DAB1: variants seen among roughly 807,000 people sequenced by gnomAD.
DAB1 encodes disabled homolog 1.
In DAB1, 15 loss-of-function variants were observed where a neutral mutation model predicts 64.6. The observed-to-expected ratio is 0.23, with a 90% confidence interval of 0.16 to 0.36. The LOEUF is 0.36. Ranked by LOEUF, DAB1 falls within the 10% of genes least tolerant of loss-of-function variation. The pLI, the probability that DAB1 is intolerant of heterozygous loss-of-function variation, is 1.00. For missense variants in DAB1, 596 were observed against 706.7 expected (o/e 0.84, Z 1.78); for synonymous variants, 235 against 251.9 (o/e 0.93, Z 0.64).
intron 1 of DAB1, among the ~76,000 whole-genome samples, chr1:57,309,087 T>C (rs151255470): frequency 5.9e-4 from 90 of 152,296 alleles, no homozygotes; most frequent in African/African-American, 2.1e-3. Flanking sequence ...CTATCATTAG[T>C]GTATTTTATG....
chr1:57,073,448 C>T (rs1279946867), intron 4 of DAB1, among the ~76,000 whole-genome samples: 1 of 152,184 alleles, frequency 6.6e-6, no homozygotes, highest in East Asian at 1.9e-4. Context: ...ATAATGTTCA[C>T]CATCCTATCG....
At chr1:57,764,472 T>C (rs1256741819) in intron 6 of DAB1, among the ~76,000 whole-genome samples, 1 of 152,186 alleles carries the variant, frequency 6.6e-6, no homozygotes, top group Non-Finnish European at 1.5e-5. Context: ...TTTGAAACTA[T>C]ATATTTACTA....
chr1:57,250,739 T>C (rs1669271918), intron 2 of DAB1, among the ~76,000 whole-genome samples: 3 of 152,204 alleles, frequency 2.0e-5, no homozygotes, highest in Non-Finnish European at 4.4e-5. Context: ...TAGTTTATTA[T>C]TTTAGTAAAT....
intron 8 of DAB1, 97 bp downstream of exon 8, chr1:57,069,263 G>A (rs550062653): frequency 9.7e-7 from 1 of 1,026,010 alleles, no homozygotes; most frequent in East Asian, 2.4e-5. Flanking sequence ...TAACAAGCCA[G>A]GAATGACCAA....
At chr1:58,090,276 C>T (rs555354628) in intron 5 of DAB1, among the ~76,000 whole-genome samples, 5 of 152,254 alleles carry the variant, frequency 3.3e-5, no homozygotes, top group Admixed American at 3.3e-4. Context: ...AGCACGGTTT[C>T]ATTTAATCAC....
At chr1:57,630,013 G>A (rs1362819642) in intron 7 of DAB1, among the ~76,000 whole-genome samples, 2 of 152,186 alleles carry the variant, frequency 1.3e-5, no homozygotes, top group Non-Finnish European at 2.9e-5. Context: ...GGAGCAAATA[G>A]AGGAAAGACA....
At chr1:57,281,869 G>A (rs1261797762) in intron 2 of DAB1, among the ~76,000 whole-genome samples, 2 of 152,094 alleles carry the variant, frequency 1.3e-5, no homozygotes, top group African/African-American at 4.8e-5. Flanking sequence ...TTGATAATCA[G>A]TGATTAATTA....
chr1:57,126,295 C>T (rs997177894), intron 4 of DAB1, among the ~76,000 whole-genome samples: 5 of 151,958 alleles, frequency 3.3e-5, no homozygotes, highest in African/African-American at 1.2e-4. Context: ...GAAAGGAAAC[C>T]AATCAGTCAT....
intron 5 of DAB1, among the ~76,000 whole-genome samples, chr1:58,117,863 T>G (rs12079978): frequency 1.3e-5 from 2 of 151,872 alleles, no homozygotes; most frequent in African/African-American, 4.8e-5. Flanking sequence ...TATATTTTTT[T>G]TAATATTTTT....
intron 5 of DAB1, among the ~76,000 whole-genome samples, chr1:58,037,371 A>G (rs188809023): frequency 2.0e-5 from 3 of 152,138 alleles, no homozygotes; most frequent in Non-Finnish European, 2.9e-5. Context: ...GGGGTCCCCA[A>G]CCCCTGGGCT....
intron 4 of DAB1, among the ~76,000 whole-genome samples, chr1:58,197,405 C>CT (rs67608803): frequency 0.51 from 74,786 of 147,928 alleles, 20,022 homozygotes; most frequent in Middle Eastern, 0.68. Context: ...GAGAGTTACA[C>CT]TTTTTTTTTT....
intron 5 of DAB1, among the ~76,000 whole-genome samples, chr1:57,914,987 C>A (rs74072524): frequency 0.011 from 1,699 of 152,152 alleles, 33 homozygotes; most frequent in African/African-American, 0.039. Flanking sequence ...AAAAATGTAT[C>A]TTACTATGCT....
chr1:57,996,746 T>C (rs1228000895), intron 5 of DAB1, among the ~76,000 whole-genome samples: 2 of 152,198 alleles, frequency 1.3e-5, no homozygotes, highest in Admixed American at 1.3e-4. Flanking sequence ...TATCAAATGT[T>C]GGGACAAATT....
intron 1 of DAB1, among the ~76,000 whole-genome samples, chr1:57,411,839 T>C (rs1684138598): frequency 6.6e-6 from 1 of 152,180 alleles, no homozygotes; most frequent in Non-Finnish European, 1.5e-5. Context: ...CTTTTCTAGG[T>C]ATCAAATGAG....
chr1:57,482,995 T>G (rs559596570), intron 7 of DAB1, among the ~76,000 whole-genome samples: 1 of 152,310 alleles, frequency 6.6e-6, no homozygotes, highest in African/African-American at 2.4e-5. Flanking sequence ...TTTGAACACA[T>G]ATTACATGAA....
chr1:58,315,888 G>A (rs189293069), intron 4 of DAB1, among the ~76,000 whole-genome samples: 6 of 152,252 alleles, frequency 3.9e-5, no homozygotes, highest in South Asian at 4.1e-4. Context: ...AATCTGAAAT[G>A]GTGATTCCAT....
chr1:58,493,106 T>C (rs992659867), intron 3 of DAB1, among the ~76,000 whole-genome samples: 4 of 152,090 alleles, frequency 2.6e-5, no homozygotes, highest in Admixed American at 6.6e-5. Context: ...GCAAGGCTGG[T>C]TCAACATACG....
At chr1:57,585,745 C>A (rs933037553) in intron 7 of DAB1, among the ~76,000 whole-genome samples, 4 of 152,126 alleles carry the variant, frequency 2.6e-5, no homozygotes, top group Non-Finnish European at 5.9e-5. Context: ...CCACACAAAG[C>A]CCAGCCAGGG....
chr1:57,480,315 G>C (rs897522938), intron 7 of DAB1, among the ~76,000 whole-genome samples: 2 of 152,110 alleles, frequency 1.3e-5, no homozygotes, highest in Admixed American at 6.5e-5. Context: ...GCTTAGATGG[G>C]ATAATGGGTC....
Sources: gnomAD v4.1 joint callset for allele counts (sites outside exome capture counted in the v4.1 genomes callset) on GRCh38, gnomAD v4.1.1 for gene constraint, MANE v1.5 for transcripts, NCBI Gene and HGNC (gene_info 2026-07-23, HGNC 2026-07-21) for gene names.